NEDD4L: variants seen among roughly 807,000 people sequenced by gnomAD.
NEDD4L encodes E3 ubiquitin-protein ligase NEDD4-like.
In NEDD4L, 54 loss-of-function variants were observed where a neutral mutation model predicts 148.9. The observed-to-expected ratio is 0.36, with a 90% CI of 0.29 to 0.45. NEDD4L has a LOEUF of 0.45. Among genes scored for constraint, NEDD4L ranks in the 20% least tolerant of loss-of-function variants. NEDD4L has a pLI of 1.00. For synonymous variants in NEDD4L, 433 were observed against 440.7 expected, an observed-to-expected ratio of 0.98 and a Z score of 0.22; for missense variants, 856 against 1,233.8, an observed-to-expected ratio of 0.69 and a Z score of 4.59.
intron 2 of NEDD4L, chr18:58,228,005 A>G (rs752143592): frequency 3.2e-4 from 58 of 183,004 alleles, no homozygotes; most frequent in Non-Finnish European, 5.3e-4. Context: ...TGAAAAGTGT[A>G]TGCTTCACGA....
chr18:58,062,378 T>C (rs1051522830), intron 1 of NEDD4L, among the ~76,000 whole-genome samples: 1 of 152,112 alleles, frequency 6.6e-6, no homozygotes, highest in African/African-American at 2.4e-5. Context: ...AGAAAATAGA[T>C]GCTTAGAGGG....
chr18:58,244,929 C>G (rs2047079285), intron 2 of NEDD4L, among the ~76,000 whole-genome samples: 2 of 152,176 alleles, frequency 1.3e-5, no homozygotes, highest in Non-Finnish European at 2.9e-5. Context: ...CTCCTGACCT[C>G]AGGTGATCCA....
intron 1 of NEDD4L, among the ~76,000 whole-genome samples, chr18:58,137,140 A>G (rs961675791): frequency 6.6e-6 from 1 of 152,218 alleles, no homozygotes; most frequent in Non-Finnish European, 1.5e-5. Flanking sequence ...CTACCATAGA[A>G]GCTCCACCAT....
chr18:58,315,470 A>T (rs1039552576), intron 5 of NEDD4L, among the ~76,000 whole-genome samples: 3 of 140,990 alleles, frequency 2.1e-5, no homozygotes, highest in African/African-American at 6.1e-5. Flanking sequence ...TTACTAGATT[A>T]AAAAAAAAAC....
intron 1 of NEDD4L, among the ~76,000 whole-genome samples, chr18:58,163,879 A>G (rs1057056263): frequency 2.0e-5 from 3 of 151,976 alleles, no homozygotes; most frequent in African/African-American, 7.3e-5. Flanking sequence ...TCCATGTTTT[A>G]TTTTTGCCCT....
intron 2 of NEDD4L, among the ~76,000 whole-genome samples, chr18:58,231,165 G>C (rs1367190308): frequency 6.7e-6 from 1 of 149,402 alleles, no homozygotes; most frequent in East Asian, 2.0e-4. Context: ...TGGGAGAATT[G>C]CTTGAGCCCA....
intron 2 of NEDD4L, among the ~76,000 whole-genome samples, chr18:58,212,697 C>G (rs938962018): frequency 1.3e-5 from 2 of 152,164 alleles, no homozygotes; most frequent in African/African-American, 4.8e-5. Context: ...TCTAGAACTC[C>G]TGTTCTCAAG....
At chr18:58,382,022 T>A (rs901041128) in intron 24 of NEDD4L, among the ~76,000 whole-genome samples, 6 of 152,140 alleles carry the variant, frequency 3.9e-5, no homozygotes, top group Admixed American at 6.5e-5. Flanking sequence ...TTGGGCACAG[T>A]GAAGAGTTCA....
intron 2 of NEDD4L, among the ~76,000 whole-genome samples, chr18:58,170,215 TC>T (rs1768296276): frequency 6.6e-6 from 1 of 152,178 alleles, no homozygotes; most frequent in South Asian, 2.1e-4. Flanking sequence ...TGGCATCTGC[TC>T]ACATCCTTTC....
intron 5 of NEDD4L, among the ~76,000 whole-genome samples, chr18:58,269,998 ATT>A (rs1181824172): frequency 2.6e-5 from 4 of 152,206 alleles, no homozygotes; most frequent in Admixed American, 2.6e-4. Flanking sequence ...GAAAGGATTA[ATT>A]TTCTCTCAGT....
chr18:58,139,956 G>C (rs140774339), intron 1 of NEDD4L, among the ~76,000 whole-genome samples: 1 of 152,288 alleles, frequency 6.6e-6, no homozygotes, highest in African/African-American at 2.4e-5. Flanking sequence ...GATGTGACCT[G>C]ATCAGATTTA....
intron 26 of NEDD4L, 64 bp downstream of exon 26, chr18:58,385,650 G>A (rs929316649): frequency 3.7e-6 from 5 of 1,333,952 alleles, no homozygotes; most frequent in South Asian, 2.3e-5. Context: ...GGGGGATCGC[G>A]CTTCTCCTTT....
At position 58,396,174 on chromosome 18, in the gene NEDD4L, C is replaced by T. The variant is rs1322381885; in HGVS notation, c.2833C>T (p.Arg945Cys). 1.9e-6 allele frequency: 3 copies of T among 1,611,690 alleles called. No homozygotes were observed. The highest frequency in any genetic ancestry group is 2.5e-6 in the Non-Finnish European group (3 of 1,178,156). The change falls in exon 31 of 31, where the codon CGC becomes TGC. Residue 945 changes from arginine (R) to cysteine (C), a missense_variant. By Grantham distance (180) the Arg-to-Cys change is radical. Coordinates refer to ENST00000400345, the MANE Select transcript of NEDD4L (RefSeq NM_001144967.3). ...TTTTTGTTCCTTTTGCAGCTTTAAT[C>T]GCCTTGACTTACCTCCATATGAAAC... ...KLPRAHTCFNRLDLPPYETFE... is the reference protein window; with the variant it reads ...KLPRAHTCFNCLDLPPYETFE...
chr18:58,383,582 A>G (rs1398482650), intron 25 of NEDD4L, among the ~76,000 whole-genome samples: 2 of 152,238 alleles, frequency 1.3e-5, no homozygotes. Context: ...TAATACGGCA[A>G]ATACTCTTTT....
At chr18:58,110,474 T>C (rs1401369183) in intron 1 of NEDD4L, among the ~76,000 whole-genome samples, 1 of 152,228 alleles carries the variant, frequency 6.6e-6, no homozygotes, top group Non-Finnish European at 1.5e-5. Flanking sequence ...GGCAGTGAGC[T>C]GATGAGATTC....
intron 5 of NEDD4L, among the ~76,000 whole-genome samples, chr18:58,309,170 T>G (rs2057386574): frequency 6.6e-6 from 1 of 152,140 alleles, no homozygotes; most frequent in South Asian, 2.1e-4. Flanking sequence ...AGGCCTGGCC[T>G]CAGTTTCCCT....
At chr18:58,127,492 C>G (rs1378870205) in intron 1 of NEDD4L, among the ~76,000 whole-genome samples, 1 of 151,608 alleles carries the variant, frequency 6.6e-6, no homozygotes, top group Non-Finnish European at 1.5e-5. Flanking sequence ...TCGCTTGAGG[C>G]CAGGAGTTTG....
intron 2 of NEDD4L, among the ~76,000 whole-genome samples, chr18:58,199,004 C>G (rs1175165486): frequency 6.6e-6 from 1 of 152,190 alleles, no homozygotes; most frequent in East Asian, 1.9e-4. Context: ...GTTGGCCAGG[C>G]TGGTCTCGAA....
intron 2 of NEDD4L, among the ~76,000 whole-genome samples, chr18:58,242,786 G>A (rs1440946524): frequency 2.0e-5 from 3 of 152,150 alleles, no homozygotes; most frequent in East Asian, 1.9e-4. Flanking sequence ...GACTACAGGC[G>A]TGAGCCACTG....
Sources: allele counts gnomAD v4.1 joint callset (sites outside exome capture counted in the v4.1 genomes callset), GRCh38; gene constraint gnomAD v4.1.1; transcripts MANE v1.5; gene names NCBI Gene and HGNC (gene_info 2026-07-23, HGNC 2026-07-21).